Variants in CDC14A observed in about 807,000 individuals in gnomAD.
CDC14A encodes dual specificity protein phosphatase CDC14A.
Under a neutral mutation model 74.4 loss-of-function variants are expected in CDC14A, and 53 were observed. The observed-to-expected ratio is 0.71, with a 90% confidence interval of 0.57 to 0.89. The LOEUF (loss-of-function observed/expected upper bound fraction) is 0.89. CDC14A is among the 40% of genes least tolerant of loss of function. The pLI is 0.00. For synonymous variants in CDC14A, 247 were observed against 258.4 expected, an observed-to-expected ratio of 0.96 and a Z score of 0.43; for missense variants, 646 against 713.7, an observed-to-expected ratio of 0.91 and a Z score of 1.08.
intron 2 of CDC14A, among the ~76,000 whole-genome samples, chr1:100,376,754 T>C (rs1036239270): frequency 1.3e-5 from 2 of 152,122 alleles, no homozygotes; most frequent in Non-Finnish European, 2.9e-5. Flanking sequence ...CAGTGTGTCT[T>C]ATAATACAGA....
chr1:100,486,514 GA>G (rs1670030014), intron 11 of CDC14A, among the ~76,000 whole-genome samples: 1 of 152,204 alleles, frequency 6.6e-6, no homozygotes, highest in African/African-American at 2.4e-5. Context: ...TGCAGGTTGG[GA>G]AATTCAAGAT....
intron 3 of CDC14A, among the ~76,000 whole-genome samples, chr1:100,382,471 T>TA (rs1656283053): frequency 6.6e-6 from 1 of 151,062 alleles, no homozygotes; most frequent in Non-Finnish European, 1.5e-5. Flanking sequence ...CTTCTGGGCT[T>TA]AAGCTAGCTT....
At chr1:100,414,547 CT>C (rs368746841) in intron 4 of CDC14A, among the ~76,000 whole-genome samples, 1 of 151,942 alleles carries the variant, frequency 6.6e-6, no homozygotes, top group Admixed American at 6.6e-5. Context: ...AAATAACATA[CT>C]TTTTTTTCAT....
intron 4 of CDC14A, among the ~76,000 whole-genome samples, chr1:100,418,964 C>A (rs943470414): frequency 6.6e-6 from 1 of 152,080 alleles, no homozygotes; most frequent in African/African-American, 2.4e-5. Context: ...GCGGGTGGAT[C>A]ACTTGAAGCC....
chr1:100,393,247 G>A, intron 4 of CDC14A: 1 of 1,520,336 alleles, frequency 6.6e-7, no homozygotes, highest in Non-Finnish European at 9.1e-7. Context: ...CTTAACTTCT[G>A]AAGTTCTTTC....
chr1:100,350,973 T>G (rs1388503003), upstream of CDC14A, among the ~76,000 whole-genome samples: 1 of 152,176 alleles, frequency 6.6e-6, no homozygotes, highest in African/African-American at 2.4e-5. Flanking sequence ...CAGGGCGGAT[T>G]GCTTGTGCTC....
intron 8 of CDC14A, 89 bp downstream of exon 8, chr1:100,455,581 G>A (rs1666604579): frequency 1.3e-6 from 1 of 771,556 alleles, no homozygotes; most frequent in East Asian, 2.7e-5. Context: ...ATTTTCTTTG[G>A]TAATATTCTC....
At chr1:100,512,721 A>G (rs968446358) in intron 15 of CDC14A, among the ~76,000 whole-genome samples, 1 of 152,216 alleles carries the variant, frequency 6.6e-6, no homozygotes. Flanking sequence ...ATAGCATTAT[A>G]ATGAGCCCAA....
At chr1:100,447,177 G>T (rs6663742) in intron 7 of CDC14A, among the ~76,000 whole-genome samples, 41,728 of 152,070 alleles carry the variant, frequency 0.27, 7,686 homozygotes, top group African/African-American at 0.52. Context: ...TGTGATCTGT[G>T]GTTCACATGA....
intron 7 of CDC14A, among the ~76,000 whole-genome samples, chr1:100,452,308 G>A (rs1175772855): frequency 2.0e-5 from 3 of 152,034 alleles, no homozygotes; most frequent in African/African-American, 4.8e-5. Flanking sequence ...TCAGGAGTTC[G>A]AGACCAGCCT....
intron 4 of CDC14A, among the ~76,000 whole-genome samples, chr1:100,403,648 A>G (rs12068983): frequency 0.13 from 19,797 of 152,252 alleles, 1,497 homozygotes; most frequent in Non-Finnish European, 0.16. Context: ...TAAGCCTTCA[A>G]ATAATATGAT....
chr1:100,483,300 G>A (rs1208061647), intron 10 of CDC14A, among the ~76,000 whole-genome samples: 2 of 151,986 alleles, frequency 1.3e-5, no homozygotes, highest in Non-Finnish European at 2.9e-5. Flanking sequence ...GGTGTGTGGT[G>A]GTATCTCATT....
At chr1:100,431,911 G>C (rs545340174) in intron 5 of CDC14A, among the ~76,000 whole-genome samples, 1 of 152,130 alleles carries the variant, frequency 6.6e-6, no homozygotes, top group South Asian at 2.1e-4. Flanking sequence ...GAAATGCCCA[G>C]AGTACAGGTC....
In CDC14A at chr1:100,353,020, C is replaced by T. The variant is rs1651323842; in HGVS notation, c.49+17C>T. On this transcript the variant is annotated intron_variant, in intron 1 of 15. Transcript: ENST00000336454. ...TCATGAAAGGTGAGGAGCAGCCGCCCCGCATCTTCCAACGCTTTCTTGCCC... is the reference window on the plus strand; with the variant it reads ...TCATGAAAGGTGAGGAGCAGCCGCCTCGCATCTTCCAACGCTTTCTTGCCC... 1.9e-6 allele frequency: 3 copies of T among 1,613,654 alleles called. No homozygotes were observed. Among genetic ancestry groups the T allele is most frequent in the Admixed American group, 1.7e-5 (1 of 60,010 alleles).
At chr1:100,473,717 C>T (rs1668614091) in intron 10 of CDC14A, among the ~76,000 whole-genome samples, 1 of 152,004 alleles carries the variant, frequency 6.6e-6, no homozygotes, top group Non-Finnish European at 1.5e-5. Flanking sequence ...ATTTTGTATC[C>T]CGAAACCTAG....
chr1:100,400,478 A>C (rs1039910579), intron 4 of CDC14A, among the ~76,000 whole-genome samples: 4 of 152,154 alleles, frequency 2.6e-5, no homozygotes, highest in African/African-American at 4.8e-5. Flanking sequence ...ATCTAACGGC[A>C]GTGTTTGCTT....
chr1:100,500,845 T>TGTGTGTTC (rs1648639935), intron 15 of CDC14A, among the ~76,000 whole-genome samples: 1 of 147,590 alleles, frequency 6.8e-6, no homozygotes, highest in South Asian at 2.1e-4. Flanking sequence ...TGTGTGTGTG[T>TGTGTGTTC]GTGTGTGTTC....
chr1:100,439,158 G>T (rs895865983), intron 5 of CDC14A, among the ~76,000 whole-genome samples: 1 of 152,168 alleles, frequency 6.6e-6, no homozygotes, highest in East Asian at 1.9e-4. Context: ...TTTTCACCAC[G>T]GTAGGTTCCC....
At chr1:100,406,528 A>G (rs1018230280) in intron 4 of CDC14A, among the ~76,000 whole-genome samples, 1 of 152,106 alleles carries the variant, frequency 6.6e-6, no homozygotes, top group African/African-American at 2.4e-5. Context: ...ACATCTGAGT[A>G]TTTAATCCAT....
Sources: allele counts gnomAD v4.1 joint callset (sites outside exome capture counted in the v4.1 genomes callset), GRCh38; gene constraint gnomAD v4.1.1; transcripts MANE v1.5; gene names NCBI Gene and HGNC (gene_info 2026-07-23, HGNC 2026-07-21).